LRIG1: variants seen among roughly 807,000 people sequenced by gnomAD.
LRIG1 encodes leucine-rich repeats and immunoglobulin-like domains protein 1.
LRIG1 carries 48 observed loss-of-function variants against 99.2 expected under a neutral mutation model. The observed-to-expected ratio is 0.48, with a 90% CI of 0.38 to 0.62. The LOEUF (loss-of-function observed/expected upper bound fraction) is 0.62, where lower values mean the gene tolerates loss of function less well. Ranked by LOEUF, LRIG1 falls within the 20% of genes least tolerant of loss-of-function variation. The pLI is 0.00. For missense variants in LRIG1, 1,646 were observed against 1,434.4 expected (o/e 1.15, Z -2.38); for synonymous variants, 772 against 596.1 (o/e 1.29, Z -4.30).
At chr3:66,468,275 T>A (rs1360603959) in intron 1 of LRIG1, among the ~76,000 whole-genome samples, 3 of 152,226 alleles carry the variant, frequency 2.0e-5, no homozygotes, top group Non-Finnish European at 4.4e-5. Flanking sequence ...AATTATCACT[T>A]CATCCCCAAA....
At chr3:66,493,173 G>C (rs892870374) in intron 1 of LRIG1, among the ~76,000 whole-genome samples, 4 of 152,244 alleles carry the variant, frequency 2.6e-5, no homozygotes, top group African/African-American at 9.6e-5. Flanking sequence ...GTTTGGAAGA[G>C]CACACCTGCA....
intron 3 of LRIG1, among the ~76,000 whole-genome samples, chr3:66,438,722 A>G (rs915064083): frequency 1.3e-5 from 2 of 152,180 alleles, no homozygotes; most frequent in Non-Finnish European, 2.9e-5. Context: ...CAGAGATACC[A>G]CTGCAGAAAT....
chr3:66,420,292 C>CA (rs1372623844), intron 3 of LRIG1, among the ~76,000 whole-genome samples: 4 of 152,018 alleles, frequency 2.6e-5, no homozygotes, highest in Non-Finnish European at 4.4e-5. Context: ...CAAAACAAAA[C>CA]AAAAAAACAA....
chr3:66,386,504 A>G, intron 12 of LRIG1: 1 of 576,084 alleles, frequency 1.7e-6, no homozygotes, highest in Non-Finnish European at 3.1e-6. Context: ...GTCTGTGAGT[A>G]CTGATCACCT....
chr3:66,498,165 T>C (rs1162838927), intron 1 of LRIG1: 2 of 152,210 alleles, frequency 1.3e-5, no homozygotes, highest in Non-Finnish European at 2.9e-5. Context: ...ATGCTGCTCA[T>C]ATCTTAAAAT....
chr3:66,466,633 CAA>C (rs1323523671), intron 1 of LRIG1, among the ~76,000 whole-genome samples: 7 of 152,314 alleles, frequency 4.6e-5, no homozygotes, highest in African/African-American at 1.7e-4. Flanking sequence ...CAAGAACAAT[CAA>C]AGAGTTAATC....
Position 66,384,107 on chromosome 3 carries a change from G to T in LRIG1, c.1955C>A (p.Pro652Gln), listed in dbSNP as rs138210146. ...AARERRMHVM[P>Q]DDDVFFITDV... ...AGTGATGAAAAACACGTCGTCATCC[G>T]GCATGACATGCATGCGTCGCTCACG... Residue 652 changes from proline to glutamine, a missense_variant, in exon 14 of 19, where the codon CCG (proline) becomes CAG (glutamine). Coordinates refer to ENST00000273261, the MANE Select transcript of LRIG1 (RefSeq NM_015541.3). 6.2e-7 allele frequency: 1 copy of T among 1,614,112 alleles called. No homozygotes were observed. The highest frequency in any genetic ancestry group is 8.5e-7 in the Non-Finnish European group (1 of 1,180,030).
intron 3 of LRIG1, among the ~76,000 whole-genome samples, chr3:66,433,097 T>C (rs17044538): frequency 0.12 from 18,005 of 152,158 alleles, 1,596 homozygotes; most frequent in African/African-American, 0.25. Flanking sequence ...GTGGCTCTTA[T>C]TTCCTCAGGC....
At chr3:66,481,162 G>A (rs1006594105) in intron 1 of LRIG1, among the ~76,000 whole-genome samples, 13 of 152,142 alleles carry the variant, frequency 8.5e-5, no homozygotes, top group Admixed American at 7.2e-4. Context: ...CACTGCCCTC[G>A]CCAGCAAAGA....
chr3:66,409,749 C>G (rs549758271), intron 7 of LRIG1: 1 of 172,708 alleles, frequency 5.8e-6, no homozygotes, highest in East Asian at 1.6e-4. Flanking sequence ...TTGGTGTGGC[C>G]ATTAACACAC....
At chr3:66,428,676 A>G (rs1474767554) in intron 3 of LRIG1, among the ~76,000 whole-genome samples, 1 of 152,232 alleles carries the variant, frequency 6.6e-6, no homozygotes, top group East Asian at 1.9e-4. Flanking sequence ...CCTTCTCAGA[A>G]TGACAGTTGA....
chr3:66,478,484 G>T (rs555246925), intron 1 of LRIG1, among the ~76,000 whole-genome samples: 1 of 152,154 alleles, frequency 6.6e-6, no homozygotes, highest in African/African-American at 2.4e-5. Flanking sequence ...CACCTGCTGC[G>T]TGCCAGGAGG....
At chr3:66,408,217 T>C (rs1702345741) in intron 7 of LRIG1, among the ~76,000 whole-genome samples, 1 of 152,046 alleles carries the variant, frequency 6.6e-6, no homozygotes. Context: ...GATAGGAAGA[T>C]GGAAAATAAA....
rs370095656 is a variant in LRIG1 at position 66,384,131 on chromosome 3, C to T, written c.1931G>A (p.Arg644His). 14 of 1,614,166 alleles carry T rather than the reference C, an allele frequency of 8.7e-6. No homozygotes were observed. In the South Asian group the frequency reaches 9.9e-5, roughly 11 times the overall value. The change falls in exon 14 of 19, where the codon CGT (arginine) becomes CAT (histidine). Residue 644 changes from arginine to histidine, a missense_variant. Transcript: ENST00000273261. ...CGGCATGACATGCATGCGTCGCTCA[C>T]GGGCAGCGGGGAAATCCGTGCCTCC... The part of the protein sequence containing the change: ...KDGGTDFPAA[R>H]ERRMHVMPDD...
chr3:66,398,383 A>G (rs988882477), intron 10 of LRIG1, among the ~76,000 whole-genome samples, 200 bp from the exon 11 acceptor site: 2 of 152,236 alleles, frequency 1.3e-5, no homozygotes, highest in Admixed American at 6.5e-5. Flanking sequence ...GGGCACCATC[A>G]AAGCTGGGCT....
intron 3 of LRIG1, among the ~76,000 whole-genome samples, chr3:66,433,899 G>A (rs1004546800): frequency 6.6e-6 from 1 of 152,164 alleles, no homozygotes; most frequent in Non-Finnish European, 1.5e-5. Context: ...TTCTTTTGTG[G>A]AACCACAAGC....
rs1198607472 is a variant in LRIG1, at chr3:66,500,960, G to C, written c.-553C>G. On this transcript the variant is annotated 5_prime_UTR_variant, in exon 1 of 19. Transcript: ENST00000273261. ...GCGCGCGCGCGCAGCCTCGGGTTCC[G>C]CACGGCTCCTCCGCGCAGCAAGAGT... The C allele has an allele frequency of 6.6e-6, 1 of 151,948 alleles. No homozygotes were observed. Among genetic ancestry groups the C allele is most frequent in the Non-Finnish European group, 1.5e-5 (1 of 68,012 alleles). The allele number at this position is 151,948 out of a possible 1,614,324, so 9.4% of individuals were successfully genotyped here.
At chr3:66,404,368 C>G in intron 9 of LRIG1, 1 of 1,275,108 alleles carries the variant, frequency 7.8e-7, no homozygotes, top group Non-Finnish European at 1.0e-6. Context: ...CTGTCTTGCC[C>G]TCCTCCAGTC....
At chr3:66,390,167 AGAAGT>A (rs1701560036) in intron 12 of LRIG1, among the ~76,000 whole-genome samples, 1 of 152,170 alleles carries the variant, frequency 6.6e-6, no homozygotes. Context: ...CTGGAAATGA[AGAAGT>A]GAAACTACCT....
Sources: gnomAD v4.1 joint callset for allele counts (sites outside exome capture counted in the v4.1 genomes callset) on GRCh38, gnomAD v4.1.1 for gene constraint, MANE v1.5 for transcripts, NCBI Gene and HGNC (gene_info 2026-07-23, HGNC 2026-07-21) for gene names.